Variants in SPSB1 observed in about 807,000 individuals in gnomAD.
SPSB1 encodes the protein splA/ryanodine receptor domain and SOCS box containing 1, also known as SPRY domain-containing SOCS box protein 1.
Under a neutral mutation model 21.2 loss-of-function variants are expected in SPSB1, and 8 were observed. The observed-to-expected ratio is 0.38, with a 90% confidence interval of 0.22 to 0.68. The LOEUF is 0.68. Ranked by LOEUF, SPSB1 falls within the 30% of genes least tolerant of loss-of-function variation. SPSB1 has a pLI of 0.53. For missense variants in SPSB1, 242 were observed against 377.8 expected (o/e 0.64, Z 2.98); for synonymous variants, 169 against 161.7 (o/e 1.05, Z -0.34).
chr1:9,316,395 T>A (rs1639614608), intron 1 of SPSB1, among the ~76,000 whole-genome samples: 1 of 152,172 alleles, frequency 6.6e-6, no homozygotes, highest in Non-Finnish European at 1.5e-5. Flanking sequence ...CACGTGTATT[T>A]ATGTGTGTGC....
intron 1 of SPSB1, among the ~76,000 whole-genome samples, chr1:9,354,427 G>A (rs1356256921): frequency 6.6e-6 from 1 of 152,106 alleles, no homozygotes; most frequent in Non-Finnish European, 1.5e-5. Flanking sequence ...CCCCAAACCA[G>A]GCTGCCCTCC....
At chr1:9,349,955 C>T (rs993515750) in intron 1 of SPSB1, among the ~76,000 whole-genome samples, 19 of 152,046 alleles carry the variant, frequency 1.2e-4, no homozygotes, top group Admixed American at 2.6e-4. Context: ...CACAGACACA[C>T]GCCACACACG....
At chr1:9,360,470 G>A (rs922419134) in intron 2 of SPSB1, among the ~76,000 whole-genome samples, 22 of 152,188 alleles carry the variant, frequency 1.4e-4, no homozygotes, top group African/African-American at 5.1e-4. Context: ...CCACAAGCAG[G>A]ACAGCTGAAA....
Position 9,356,713 on chromosome 1 carries a change from C to A in SPSB1, c.694+128C>A. 1 of 1,402,172 alleles carries A rather than the reference C, an allele frequency of 7.1e-7. No homozygotes were observed. The highest frequency in any genetic ancestry group is 9.3e-7 in the Non-Finnish European group (1 of 1,072,318). The allele number at this position is 1,402,172 out of a possible 1,614,324, so 86.9% of individuals were successfully genotyped here. On this transcript the variant is annotated intron_variant, in intron 2 of 2. Transcript: ENST00000328089. The surrounding 1 kb of genome is among the most constrained non-coding windows in gnomAD (Gnocchi z 7.4). ...AAGACGATATTCCAGTGTATTCAGA[C>A]CCTCAGAGGCAACTTTTGCATCGGG...
chr1:9,321,246 A>C lies in SPSB1; in HGVS notation c.-150+28175A>C, dbSNP rs192526761. 4.5e-3 allele frequency among the ~76,000 whole-genome samples: 684 copies of C among 152,312 alleles called. 2 individuals carry two copies. Among genetic ancestry groups the C allele is most frequent in the Non-Finnish European group, 7.3e-3 (498 of 68,028 alleles). On this transcript the variant is annotated intron_variant, in intron 1 of 2. Coordinates refer to ENST00000328089, the MANE Select transcript of SPSB1 (RefSeq NM_025106.4). The surrounding 1 kb of genome is among the most constrained non-coding windows in gnomAD (Gnocchi z 4.8). Reference sequence around the variant, plus strand: ...TTAAACATTTACATTCTTGGGGCTTAGCTGACTCCTTCGAGCGTCGAGTTT... The same window carrying C: ...TTAAACATTTACATTCTTGGGGCTTCGCTGACTCCTTCGAGCGTCGAGTTT...
At position 9,367,214 on chromosome 1, in the gene SPSB1, T is replaced by C. The variant is rs1013487243; in HGVS notation, c.695-234T>C. Among the ~76,000 whole-genome samples the C allele has an allele frequency of 6.6e-6, 1 of 152,224 alleles. No homozygotes were observed. Among genetic ancestry groups the C allele is most frequent in the African/African-American group, 2.4e-5 (1 of 41,474 alleles). ...TATTAAGTCATTCATAAGAAACCAC[T>C]GTGAGGATTAAATGAGTGTTAGCAG... On this transcript the variant is annotated intron_variant, in intron 2 of 2. Transcript: ENST00000328089. This position sits in a 1 kb window ranked among gnomAD's most constrained non-coding sequence, Gnocchi z 5.9.
At chr1:9,337,060 G>C (rs983005026) in intron 1 of SPSB1, among the ~76,000 whole-genome samples, 14 of 152,054 alleles carry the variant, frequency 9.2e-5, no homozygotes, top group Non-Finnish European at 1.9e-4. Flanking sequence ...TGCCCCAAAT[G>C]CTCCTGGCAT....
intron 1 of SPSB1, among the ~76,000 whole-genome samples, chr1:9,336,860 T>C (rs1640013104): frequency 6.6e-6 from 1 of 152,216 alleles, no homozygotes; most frequent in African/African-American, 2.4e-5. Context: ...CTATAGTCCC[T>C]GTCCAGAGAC....
chr1:9,359,073 C>T (rs1258604126), intron 2 of SPSB1, among the ~76,000 whole-genome samples: 2 of 152,196 alleles, frequency 1.3e-5, no homozygotes, highest in East Asian at 3.8e-4. Flanking sequence ...CATCTGTGAG[C>T]TGGAATCTAG....
intron 1 of SPSB1, among the ~76,000 whole-genome samples, chr1:9,347,413 C>T (rs1640180597): frequency 7.1e-6 from 1 of 141,776 alleles, no homozygotes; most frequent in Admixed American, 6.9e-5. Flanking sequence ...AAAAGGAATA[C>T]ATGCATTTTA....
At chr1:9,366,197 C>T (rs1394592587) in intron 2 of SPSB1, among the ~76,000 whole-genome samples, 3 of 152,180 alleles carry the variant, frequency 2.0e-5, no homozygotes, top group African/African-American at 7.2e-5. Context: ...CCCAAGTTCC[C>T]CTGGCTGTGA....
Position 9,321,220 on chromosome 1 carries a change from C to T in SPSB1, c.-150+28149C>T, listed in dbSNP as rs1639717672. ...TGCAGAGGCGTCTCAGGCGGTGGGC[C>T]TTAAACATTTACATTCTTGGGGCTT... is the stretch of plus-strand genomic sequence containing the variant. On this transcript the variant is annotated intron_variant, in intron 1 of 2. Transcript: ENST00000328089. The surrounding 1 kb of genome is among the most constrained non-coding windows in gnomAD (Gnocchi z 4.8). 6.6e-6 allele frequency among the ~76,000 whole-genome samples: 1 copy of T among 152,008 alleles called. No homozygotes were observed. Among genetic ancestry groups the T allele is most frequent in the Non-Finnish European group, 1.5e-5 (1 of 68,022 alleles).
At chr1:9,349,964 C>T (rs530713774) in intron 1 of SPSB1, among the ~76,000 whole-genome samples, 2 of 152,210 alleles carry the variant, frequency 1.3e-5, no homozygotes, top group East Asian at 1.9e-4. Flanking sequence ...ACGCCACACA[C>T]GCAGACACAG....
At chr1:9,312,471 CATTG>C (rs1234088936) in intron 1 of SPSB1, among the ~76,000 whole-genome samples, 3 of 152,180 alleles carry the variant, frequency 2.0e-5, no homozygotes, top group Non-Finnish European at 4.4e-5. Context: ...TAAATGTACA[CATTG>C]ATGATTATTA....
chr1:9,295,691 G>A (rs894627389), intron 1 of SPSB1, among the ~76,000 whole-genome samples: 2 of 152,214 alleles, frequency 1.3e-5, no homozygotes, highest in Admixed American at 6.5e-5. Context: ...CCCCCATGGT[G>A]TGTGCCGTGC....
At chr1:9,297,242 G>A (rs1012736873) in intron 1 of SPSB1, among the ~76,000 whole-genome samples, 3 of 152,212 alleles carry the variant, frequency 2.0e-5, no homozygotes, top group African/African-American at 4.8e-5. Context: ...ACCCTTGGGC[G>A]TCTCTTGGAA....
chr1:9,297,038 C>T (rs989923939), intron 1 of SPSB1, among the ~76,000 whole-genome samples: 1 of 152,226 alleles, frequency 6.6e-6, no homozygotes, highest in African/African-American at 2.4e-5. Context: ...CGCCAAGGCA[C>T]AGCCCAGCCT....
chr1:9,305,608 G>C lies in SPSB1; in HGVS notation c.-150+12537G>C, dbSNP rs1055384805. On this transcript the variant is annotated intron_variant, in intron 1 of 2. Coordinates refer to ENST00000328089, the MANE Select transcript of SPSB1 (RefSeq NM_025106.4). This position sits in a 1 kb window ranked among gnomAD's most constrained non-coding sequence, Gnocchi z 4.8. ...TGGGTGCTGGGGGTGGGGACTCCCCGTCACGGAACTAAACTGCCAGGTGTT... is the reference window on the plus strand; with the variant it reads ...TGGGTGCTGGGGGTGGGGACTCCCCCTCACGGAACTAAACTGCCAGGTGTT... 6.6e-6 allele frequency among the ~76,000 whole-genome samples: 1 copy of C among 152,196 alleles called. No individual in the cohort carries two copies. The highest frequency in any genetic ancestry group is 6.5e-5 in the Admixed American group (1 of 15,290).
intron 1 of SPSB1, among the ~76,000 whole-genome samples, chr1:9,296,007 G>A (rs1445959764): frequency 6.6e-6 from 1 of 152,002 alleles, no homozygotes; most frequent in Non-Finnish European, 1.5e-5. Flanking sequence ...AAGGGACTTC[G>A]ATTTTGGACT....
Sources: allele counts gnomAD v4.1 joint callset (sites outside exome capture counted in the v4.1 genomes callset), GRCh38; gene constraint gnomAD v4.1.1; non-coding constraint Gnocchi (gnomAD v3.1); transcripts MANE v1.5; gene names NCBI Gene and HGNC (gene_info 2026-07-23, HGNC 2026-07-21).